ANK2: variants seen among roughly 807,000 people sequenced by gnomAD.
ANK2 encodes the protein ankyrin-2.
Under a neutral mutation model 360.5 loss-of-function variants are expected in ANK2, and 83 were observed. The ratio of observed to expected loss-of-function variants is 0.23; its 90% CI spans 0.19 to 0.28. The LOEUF (loss-of-function observed/expected upper bound fraction) is 0.28. ANK2 is among the 10% of genes least tolerant of loss of function. ANK2 has a pLI of 1.00. For missense variants in ANK2, 4,201 were observed against 4,795.7 expected, an observed-to-expected ratio of 0.88 and a Z score of 3.66; for synonymous variants, 1,740 against 1,759.5, an observed-to-expected ratio of 0.99 and a Z score of 0.28.
chr4:112,918,402 GA>G (rs1427409139), intron 2 of ANK2, among the ~76,000 whole-genome samples: 2 of 150,670 alleles, frequency 1.3e-5, no homozygotes, highest in African/African-American at 2.4e-5. Flanking sequence ...TTCATTTAGT[GA>G]AAAAAAAAGA....
chr4:113,284,374 G>A (rs29365), intron 18 of ANK2, among the ~76,000 whole-genome samples: 4,348 of 152,244 alleles, frequency 0.029, 104 homozygotes, highest in East Asian at 0.069. Context: ...TTGAAAATCA[G>A]CCAAAGAAAT....
chr4:113,237,399 T>C (rs1280386482), intron 6 of ANK2, among the ~76,000 whole-genome samples, 200 bp from the exon 7 acceptor site: 1 of 152,254 alleles, frequency 6.6e-6, no homozygotes. Flanking sequence ...AAATCTGCTT[T>C]CTTATTCTGT....
intron 2 of ANK2, among the ~76,000 whole-genome samples, chr4:112,985,292 A>G (rs2044467499): frequency 6.6e-6 from 1 of 152,214 alleles, no homozygotes; most frequent in South Asian, 2.1e-4. Flanking sequence ...CAGGTAAAAG[A>G]TTTGCATTAC....
At chr4:112,754,531 T>G in the ANK2 span, among the ~76,000 whole-genome samples, 2 of 150,756 alleles carry the variant, frequency 1.3e-5, no homozygotes, top group African/African-American at 4.9e-5. Context: ...GGGGCGTGTA[T>G]TATGTTAAAA....
At chr4:113,126,190 A>C (rs2095649492) in intron 1 of ANK2, among the ~76,000 whole-genome samples, 3 of 152,196 alleles carry the variant, frequency 2.0e-5, no homozygotes, top group African/African-American at 7.2e-5. Flanking sequence ...TTAGAAATTC[A>C]CAGAGAAATA....
rs767768290 is a variant in ANK2, at chr4:113,356,446, G to C, written c.7828G>C (p.Asp2610His). 6.2e-7 allele frequency: 1 copy of C among 1,614,042 alleles called. No homozygotes were observed. The highest frequency in any genetic ancestry group is 8.5e-7 in the Non-Finnish European group (1 of 1,179,968). Residue 2610 changes from aspartate (D) to histidine (H), a missense_variant, in exon 38 of 46, where the codon GAC becomes CAC. By Grantham distance (81) the Asp-to-His change is moderately conservative (BLOSUM62 -1). Around this residue, in one of 4 missense-constraint regions of ANK2, gnomAD observed 2,642 missense variants for 2,714.5 expected, o/e 0.97. Transcript: ENST00000357077. The part of the protein sequence containing the change: ...ELEQEAKQKR[D>H]YKKEPKQEES... ...TGAACAAGAAGCAAAGCAGAAAAGG[G>C]ACTACAAAAAAGAACCCAAACAAGA...
rs754168085 is a variant in ANK2 at position 113,356,472 on chromosome 4, A to G, written c.7854A>G (p.Glu2618=). The G allele has an allele frequency of 5.6e-6, 9 of 1,614,186 alleles. No homozygotes were observed. Among genetic ancestry groups the G allele is most frequent in the Non-Finnish European group, 7.6e-6 (9 of 1,179,994 alleles). The change falls in exon 38 of 46, where the codon GAA becomes GAG. Residue 2618 remains glutamate, a synonymous_variant. Coordinates refer to ENST00000357077, the MANE Select transcript of ANK2 (RefSeq NM_001148.6). ...ACTACAAAAAAGAACCCAAACAAGA[A>G]GAATCTTCTTCATCTTCTGACCCAG... The part of the protein sequence containing the change: ...KRDYKKEPKQ[E]ESSSSSDPDA...
At chr4:112,727,086 A>G in the ANK2 span, among the ~76,000 whole-genome samples, 1 of 152,060 alleles carries the variant, frequency 6.6e-6, no homozygotes, top group African/African-American at 2.4e-5. Context: ...TTATGGTTAA[A>G]ATACTATGTT....
In ANK2 at chr4:113,240,525, A is replaced by G; in HGVS notation, c.734A>G (p.Asn245Ser). Residue 245 changes from asparagine (N) to serine (S), a missense_variant, in exon 8 of 46, where the codon AAT (asparagine) becomes AGT (serine). Physicochemically the swap from Asn to Ser is conservative, Grantham distance 46. Coordinates refer to ENST00000357077, the MANE Select transcript of ANK2 (RefSeq NM_001148.6). ...TPLHIAAHYG[N>S]VNVATLLLNR... Reference sequence around the variant, plus strand: ...TTGCACATAGCTGCACATTACGGAAATGTCAACGTGGCAACTCTTCTTCTA... The same window carrying G: ...TTGCACATAGCTGCACATTACGGAAGTGTCAACGTGGCAACTCTTCTTCTA... 1 of 1,614,012 alleles carries G rather than the reference A, an allele frequency of 6.2e-7. No homozygotes were observed. The highest frequency in any genetic ancestry group is 2.2e-5 in the East Asian group (1 of 44,846).
chr4:112,815,115 A>G (rs1173767876), upstream of ANK2, among the ~76,000 whole-genome samples: 3 of 152,036 alleles, frequency 2.0e-5, no homozygotes, highest in African/African-American at 7.3e-5. Context: ...TCCTGACCTC[A>G]AATGATCCGC....
chr4:112,724,064 C>CTTTTTT, the ANK2 span, among the ~76,000 whole-genome samples: 1 of 135,144 alleles, frequency 7.4e-6, no homozygotes, highest in African/African-American at 2.7e-5. Flanking sequence ...CAGGAAAAAT[C>CTTTTTT]TTTTTTTTTT....
chr4:113,179,189 T>C (rs916682989), intron 2 of ANK2, among the ~76,000 whole-genome samples: 3 of 152,182 alleles, frequency 2.0e-5, no homozygotes, highest in Non-Finnish European at 4.4e-5. Flanking sequence ...AAAGATAATA[T>C]GGCATATGAA....
intron 2 of ANK2, among the ~76,000 whole-genome samples, chr4:112,977,710 T>C (rs558068119): frequency 5.6e-4 from 85 of 152,244 alleles, no homozygotes; most frequent in African/African-American, 2.0e-3. Flanking sequence ...TAGGTATTTT[T>C]CCTAATGCTT....
the ANK2 span, among the ~76,000 whole-genome samples, chr4:112,774,424 G>T: frequency 2.0e-5 from 3 of 152,128 alleles, no homozygotes; most frequent in Non-Finnish European, 4.4e-5. Flanking sequence ...TACTCGGGAG[G>T]CTGAGGCAGG....
At chr4:113,090,541 T>A (rs1455731463) in intron 1 of ANK2, among the ~76,000 whole-genome samples, 1 of 152,202 alleles carries the variant, frequency 6.6e-6, no homozygotes, top group African/African-American at 2.4e-5. Context: ...AGTTTGGTCC[T>A]TTTTTGGAGT....
At chr4:112,810,369 T>G in the ANK2 span, among the ~76,000 whole-genome samples, 1 of 151,836 alleles carries the variant, frequency 6.6e-6, no homozygotes, top group Non-Finnish European at 1.5e-5. Flanking sequence ...AATTAAATAA[T>G]TCTCTGCTAT....
At position 113,237,181 on chromosome 4, in the gene ANK2, A is replaced by G. The variant is rs565607329; in HGVS notation, c.669+9A>G. The G allele has an allele frequency of 5.0e-6, 8 of 1,612,378 alleles. No homozygotes were observed. The South Asian group carries it at 7.7e-5, about 15-fold the overall frequency. ...CTGACGTACAATCCAAGGTACTTAA[A>G]GCTGAACACATTTGTGGAAAGGAAC... On this transcript the variant is annotated intron_variant, in intron 6 of 45. Transcript: ENST00000357077.
At chr4:113,263,352 C>T (rs991434154) in intron 13 of ANK2, among the ~76,000 whole-genome samples, 4 of 150,354 alleles carry the variant, frequency 2.7e-5, no homozygotes, top group African/African-American at 1.0e-4. Context: ...AATGATACAT[C>T]GTTTTATAAA....
chr4:113,176,082 C>A (rs982400463), intron 2 of ANK2, among the ~76,000 whole-genome samples: 2 of 152,172 alleles, frequency 1.3e-5, no homozygotes, highest in African/African-American at 4.8e-5. Flanking sequence ...CTGTATGAAT[C>A]CCCCAAGGTC....
Sources: allele counts gnomAD v4.1 joint callset (sites outside exome capture counted in the v4.1 genomes callset), GRCh38; gene constraint gnomAD v4.1.1; regional missense constraint gnomAD v4.1.1; transcripts MANE v1.5; gene names NCBI Gene and HGNC (gene_info 2026-07-23, HGNC 2026-07-21).